Variants in CLIC5 observed in about 807,000 individuals in gnomAD.
CLIC5 encodes the protein chloride intracellular channel protein 5.
A neutral mutation model predicts 24.7 loss-of-function variants in CLIC5; 20 were observed. The ratio of observed to expected loss-of-function variants is 0.81; its 90% CI spans 0.57 to 1.18. The LOEUF is 1.18. CLIC5 is among the 50% of genes most tolerant of loss of function. The pLI, the probability that CLIC5 is intolerant of heterozygous loss-of-function variation, is 0.00. For missense variants in CLIC5, 341 were observed against 326.1 expected (o/e 1.05, Z -0.35); for synonymous variants, 159 against 135.6 (o/e 1.17, Z -1.20).
chr6:46,001,042 T>G (rs1766336144), intron 1 of CLIC5, among the ~76,000 whole-genome samples: 1 of 152,226 alleles, frequency 6.6e-6, no homozygotes, highest in Admixed American at 6.5e-5. Flanking sequence ...TCTCCCACTC[T>G]GGAATGAAAG....
At chr6:46,042,722 A>G (rs1767841529) in intron 1 of CLIC5, among the ~76,000 whole-genome samples, 1 of 152,240 alleles carries the variant, frequency 6.6e-6, no homozygotes, top group East Asian at 1.9e-4. Flanking sequence ...GACTACATGT[A>G]CCCGAGCCCA....
At chr6:45,975,509 G>A (rs1390671691) in intron 1 of CLIC5, among the ~76,000 whole-genome samples, 2 of 152,152 alleles carry the variant, frequency 1.3e-5, no homozygotes, top group Non-Finnish European at 2.9e-5. Context: ...GGCATCCTCA[G>A]TCCAGTGTGC....
chr6:46,080,225 G>A (rs1388195313), exon 1 of CLIC5: 4 of 1,550,784 alleles, frequency 2.6e-6, no homozygotes, highest in South Asian at 1.2e-5. Context: ...AGATGGTGCT[G>A]TAGTCTTCGT....
the CLIC5 span, among the ~76,000 whole-genome samples, chr6:46,112,282 G>A: frequency 1.3e-5 from 2 of 152,112 alleles, no homozygotes; most frequent in Admixed American, 6.6e-5. Context: ...AAAATTACCT[G>A]AGAGTCTGAT....
intron 1 of CLIC5, among the ~76,000 whole-genome samples, chr6:46,067,335 C>T (rs1014365073): frequency 6.6e-6 from 1 of 151,962 alleles, no homozygotes; most frequent in Non-Finnish European, 1.5e-5. Flanking sequence ...CAAAAAATGA[C>T]CCCCACCGAC....
At chr6:45,911,651 G>A in intron 5 of CLIC5, 1 of 985,196 alleles carries the variant, frequency 1.0e-6, no homozygotes, top group Non-Finnish European at 1.2e-6. Context: ...TTATTTTCAG[G>A]ATTTTAAAGG....
At chr6:46,038,571 G>A (rs1767725436) in intron 1 of CLIC5, among the ~76,000 whole-genome samples, 1 of 152,180 alleles carries the variant, frequency 6.6e-6, no homozygotes, top group African/African-American at 2.4e-5. Context: ...ACTTAAGAAA[G>A]GGAAGTTTAC....
At chr6:45,915,849 A>T (rs143161146) in intron 4 of CLIC5, among the ~76,000 whole-genome samples, 47 of 152,328 alleles carry the variant, frequency 3.1e-4, no homozygotes, top group African/African-American at 1.1e-3. Context: ...AGCTCAAAGG[A>T]CAAACATGGA....
chr6:45,892,414 G>T (rs1410935978), intron 6 of CLIC5, among the ~76,000 whole-genome samples: 3 of 152,206 alleles, frequency 2.0e-5, no homozygotes. Flanking sequence ...TTTGTGTCAT[G>T]GCCAAGAATG....
At chr6:46,011,090 T>A (rs187885747) in intron 1 of CLIC5, among the ~76,000 whole-genome samples, 1 of 152,328 alleles carries the variant, frequency 6.6e-6, no homozygotes, top group East Asian at 1.9e-4. Context: ...AATGAAAGAC[T>A]AGTCGTTTCC....
chr6:46,110,010 T>C, the CLIC5 span, among the ~76,000 whole-genome samples: 1 of 152,134 alleles, frequency 6.6e-6, no homozygotes, highest in East Asian at 1.9e-4. Context: ...CCCTCGTGGC[T>C]TGGATAGAAT....
chr6:46,083,815 A>T (rs1448843062), upstream of CLIC5, among the ~76,000 whole-genome samples: 4 of 151,780 alleles, frequency 2.6e-5, no homozygotes, highest in Admixed American at 1.3e-4. Flanking sequence ...GCTGAGTTCA[A>T]TTCCTGGGTA....
intron 4 of CLIC5, among the ~76,000 whole-genome samples, chr6:45,927,581 A>G (rs1232309243): frequency 6.6e-6 from 1 of 152,188 alleles, no homozygotes; most frequent in Non-Finnish European, 1.5e-5. Flanking sequence ...GAACCACTGA[A>G]AACAACTTAA....
chr6:46,092,606 C>A, the CLIC5 span, among the ~76,000 whole-genome samples: 1 of 151,438 alleles, frequency 6.6e-6, no homozygotes, highest in South Asian at 2.1e-4. Flanking sequence ...TCCAGATAAT[C>A]CACACCAAAA....
At chr6:45,974,520 T>TATATATATATATAG (rs1765318599) in intron 1 of CLIC5, among the ~76,000 whole-genome samples, 1 of 66,974 alleles carries the variant, frequency 1.5e-5, no homozygotes. Context: ...TATATATATA[T>TATATATATATATAG]ATAGAGAGAG....
At chr6:46,036,500 C>T (rs180773644) in intron 1 of CLIC5, among the ~76,000 whole-genome samples, 4 of 151,458 alleles carry the variant, frequency 2.6e-5, no homozygotes, top group Non-Finnish European at 5.9e-5. Context: ...TCAGTAGAGA[C>T]GGGGTTTCAC....
intron 1 of CLIC5, among the ~76,000 whole-genome samples, chr6:46,063,619 C>T (rs547549346): frequency 3.3e-5 from 5 of 152,264 alleles, no homozygotes; most frequent in African/African-American, 7.2e-5. Flanking sequence ...AAGTCCTGAT[C>T]TGCATGTGCA....
chr6:46,007,424 C>T (rs1000826465), intron 1 of CLIC5, among the ~76,000 whole-genome samples: 1 of 152,160 alleles, frequency 6.6e-6, no homozygotes, highest in South Asian at 2.1e-4. Context: ...CCCTAATATA[C>T]ACTATTTGCA....
chr6:45,916,734 G>A lies in CLIC5; in HGVS notation c.407-2325C>T, dbSNP rs777768551. Reference sequence around the variant, plus strand: ...GGAAGATAGTTCTTTATATCCCTCCGGTAATTCCTCGAGATGGAAGGCATC... The same window carrying A: ...GGAAGATAGTTCTTTATATCCCTCCAGTAATTCCTCGAGATGGAAGGCATC... On this transcript the variant is annotated intron_variant, in intron 4 of 5. Coordinates refer to ENST00000339561, the MANE Select transcript of CLIC5 (RefSeq NM_016929.5). Among the ~76,000 whole-genome samples the A allele has an allele frequency of 1.6e-4, 24 of 152,166 alleles. No individual in the cohort carries two copies. In the East Asian group the frequency reaches 1.9e-3, roughly 12 times the overall value.
Sources: gnomAD v4.1 joint callset for allele counts (sites outside exome capture counted in the v4.1 genomes callset) on GRCh38, gnomAD v4.1.1 for gene constraint, MANE v1.5 for transcripts, NCBI Gene and HGNC (gene_info 2026-07-23, HGNC 2026-07-21) for gene names.